USP43: variants seen among roughly 807,000 people sequenced by gnomAD.
USP43 encodes ubiquitin specific peptidase 43.
In USP43, 33 loss-of-function variants were observed where a neutral mutation model predicts 90.7. The ratio of observed to expected loss-of-function variants is 0.36; its 90% CI spans 0.28 to 0.49. The LOEUF is 0.49. Among genes scored for constraint, USP43 ranks in the 20% least tolerant of loss-of-function variants. The pLI is 0.98. For synonymous variants in USP43, 598 were observed against 615.8 expected (o/e 0.97, Z 0.43); for missense variants, 1,274 against 1,476.4 (o/e 0.86, Z 2.25).
intron 13 of USP43, 94 bp from the exon 14 acceptor site, chr17:9,711,874 G>T (rs953023230): frequency 1.5e-6 from 2 of 1,350,944 alleles, no homozygotes; most frequent in South Asian, 3.5e-5. Flanking sequence ...GCTGAAGGAT[G>T]GGGCCGGAAT....
At chr17:9,704,761 C>T (rs1402982619) in intron 12 of USP43, among the ~76,000 whole-genome samples, 1 of 151,828 alleles carries the variant, frequency 6.6e-6, no homozygotes, top group Non-Finnish European at 1.5e-5. Flanking sequence ...CTGCAACCCC[C>T]CCACCTCCCC....
chr17:9,667,802 G>A (rs747410359), intron 3 of USP43, among the ~76,000 whole-genome samples: 11 of 152,264 alleles, frequency 7.2e-5, no homozygotes, highest in Non-Finnish European at 1.5e-4. Flanking sequence ...GTGCGTGCAC[G>A]TGTGCGCGTG....
At chr17:9,655,977 G>C (rs937843737) in intron 1 of USP43, among the ~76,000 whole-genome samples, 3 of 152,186 alleles carry the variant, frequency 2.0e-5, no homozygotes, top group Non-Finnish European at 4.4e-5. Flanking sequence ...AGTAGGGCTA[G>C]AAGGCTGTTC....
chr17:9,664,276 T>C (rs755613032), intron 2 of USP43, among the ~76,000 whole-genome samples: 1 of 152,234 alleles, frequency 6.6e-6, no homozygotes, highest in Non-Finnish European at 1.5e-5. Flanking sequence ...TCTGTCTCTC[T>C]ATCCACTCAT....
chr17:9,654,380 T>C (rs1337783637), intron 1 of USP43, among the ~76,000 whole-genome samples: 1 of 152,076 alleles, frequency 6.6e-6, no homozygotes. Flanking sequence ...CTAATGTGAT[T>C]GACGTAAAGA....
At chr17:9,717,994 C>T (rs1039706290) in intron 14 of USP43, among the ~76,000 whole-genome samples, 1 of 151,906 alleles carries the variant, frequency 6.6e-6, no homozygotes, top group Non-Finnish European at 1.5e-5. Context: ...ATGGGGGTTT[C>T]ACCATGTTGG....
intron 3 of USP43, among the ~76,000 whole-genome samples, chr17:9,671,300 G>GCA (rs1567654832): frequency 1.4e-5 from 2 of 147,740 alleles, no homozygotes; most frequent in African/African-American, 5.3e-5. Flanking sequence ...GTGTGTGTGT[G>GCA]CACAAATTCT....
intron 7 of USP43, among the ~76,000 whole-genome samples, chr17:9,684,624 A>G (rs1017872036): frequency 8.6e-5 from 13 of 151,998 alleles, no homozygotes; most frequent in African/African-American, 3.1e-4. Context: ...GTAGCCGGGC[A>G]TGGTGGCTCA....
chr17:9,728,529 T>G lies in USP43; in HGVS notation c.2911T>G (p.Tyr971Asp), dbSNP rs1340477346. Residue 971 changes from tyrosine (Y) to aspartate (D), a missense_variant, in exon 15 of 15, where the codon TAT becomes GAT. Tyr to Asp is a radical substitution (Grantham distance 160). Coordinates refer to ENST00000285199, the MANE Select transcript of USP43 (RefSeq NM_153210.5). The surrounding 1 kb of genome is among the most constrained non-coding windows in gnomAD (Gnocchi z 6.2). ...AAGCAAAAGCAGCCCACCCTCCCCC[T>G]ATATGGGATTCTCTGGAAACAGCAA... ...MGSKSSPPSP[Y>D]MGFSGNSKDS... 6.2e-7 allele frequency: 1 copy of G among 1,613,816 alleles called. No individual in the cohort carries two copies. Among genetic ancestry groups the G allele is most frequent in the Non-Finnish European group, 8.5e-7 (1 of 1,179,876 alleles).
At position 9,710,039 on chromosome 17, in the gene USP43, AC is replaced by A; in HGVS notation, c.2097del (p.Arg700GlufsTer23). On this transcript the variant is annotated frameshift_variant, in exon 13 of 15. Coordinates refer to ENST00000285199, the MANE Select transcript of USP43 (RefSeq NM_153210.5). LOFTEE classifies it high-confidence loss of function. ...ACCGCTTCGAGAAGATGAGGTCAAC[AC>A]CAGAGGGGCTTATATCCTGTTCTAT... ...VEPLREDEVNTRGAYILFYQK... is the reference protein window; with the variant it reads ...VEPLREDEVNXRGAYILFYQK... 6.3e-7 allele frequency: 1 copy of A among 1,576,090 alleles called. No individual in the cohort carries two copies. Among genetic ancestry groups the A allele is most frequent in the Non-Finnish European group, 8.6e-7 (1 of 1,161,010 alleles).
chr17:9,690,296 T>C (rs959103856), intron 8 of USP43, among the ~76,000 whole-genome samples: 11 of 152,208 alleles, frequency 7.2e-5, no homozygotes, highest in African/African-American at 2.7e-4. Flanking sequence ...ATGTCTGCCT[T>C]TTACCTTTGT....
chr17:9,681,472 A>T (rs1259715922), intron 6 of USP43, among the ~76,000 whole-genome samples: 325 of 17,442 alleles, frequency 0.019, 18 homozygotes, highest in African/African-American at 0.17. Flanking sequence ...TTATATATAT[A>T]TATATATATA....
intron 9 of USP43, 143 bp downstream of exon 9, chr17:9,693,373 G>C: frequency 2.9e-6 from 2 of 696,328 alleles, no homozygotes. Flanking sequence ...CGCTATGTTA[G>C]GTCATTGGGC....
intron 14 of USP43, among the ~76,000 whole-genome samples, chr17:9,713,653 A>C (rs1288454986): frequency 6.6e-6 from 1 of 152,180 alleles, no homozygotes; most frequent in Non-Finnish European, 1.5e-5. Context: ...TGGTGGTTTG[A>C]ACTAGCATGT....
intron 2 of USP43, 148 bp from the exon 3 acceptor site, chr17:9,666,500 G>A (rs937572399): frequency 1.7e-4 from 108 of 634,036 alleles, no homozygotes; most frequent in Middle Eastern, 8.5e-4. Flanking sequence ...CTTGAGTTAT[G>A]GTAAAGGCAG....
intron 13 of USP43, among the ~76,000 whole-genome samples, chr17:9,710,830 T>C (rs1477271474): frequency 6.6e-6 from 1 of 152,066 alleles, no homozygotes; most frequent in Non-Finnish European, 1.5e-5. Flanking sequence ...CAAACTTGCT[T>C]GGAAGTCTAG....
At chr17:9,698,589 T>C (rs1915402312) in intron 9 of USP43, among the ~76,000 whole-genome samples, 1 of 152,238 alleles carries the variant, frequency 6.6e-6, no homozygotes, top group Non-Finnish European at 1.5e-5. Context: ...TCTTTCTTTT[T>C]GTATCAGAGC....
chr17:9,705,573 G>A (rs1380302117), intron 12 of USP43, among the ~76,000 whole-genome samples: 1 of 151,682 alleles, frequency 6.6e-6, no homozygotes, highest in East Asian at 1.9e-4. Flanking sequence ...TGGCCAACAT[G>A]GTGAAACCCT....
At chr17:9,652,874 T>C in intron 1 of USP43, among the ~76,000 whole-genome samples, 1 of 152,246 alleles carries the variant, frequency 6.6e-6, no homozygotes, top group Non-Finnish European at 1.5e-5. Context: ...TTTTGCCATG[T>C]ATTTTCTGCT....
Sources: allele counts gnomAD v4.1 joint callset (sites outside exome capture counted in the v4.1 genomes callset), GRCh38; gene constraint gnomAD v4.1.1; non-coding constraint Gnocchi (gnomAD v3.1); transcripts MANE v1.5; gene names NCBI Gene and HGNC (gene_info 2026-07-23, HGNC 2026-07-21).